The following CIT variants were observed in gnomAD, a reference collection of about 807,000 sequenced individuals.
The protein encoded by CIT is citron Rho-interacting kinase.
A neutral mutation model predicts 272.7 loss-of-function variants in CIT; 79 were observed. That is an observed-to-expected ratio of 0.29 (90% CI 0.24 to 0.35). The LOEUF (loss-of-function observed/expected upper bound fraction) is 0.35. Among genes scored for constraint, CIT ranks in the 10% least tolerant of loss-of-function variants. The probability of loss-of-function intolerance (pLI) is 1.00; values close to 1 mark genes in which losing one functional copy is unlikely to be tolerated. For missense variants in CIT, 1,909 were observed against 2,618.3 expected (o/e 0.73, Z 5.91); for synonymous variants, 948 against 995.6 (o/e 0.95, Z 0.90).
chr12:119,755,066 G>A (rs747962848), intron 22 of CIT, among the ~76,000 whole-genome samples: 4 of 152,176 alleles, frequency 2.6e-5, no homozygotes, highest in African/African-American at 4.8e-5. Context: ...TTAAACCATC[G>A]CCTAAGGCTT....
At chr12:119,823,454 A>T (rs567701173) in intron 8 of CIT, among the ~76,000 whole-genome samples, 2 of 152,310 alleles carry the variant, frequency 1.3e-5, no homozygotes, top group Non-Finnish European at 2.9e-5. Context: ...TCTTCTGCTC[A>T]TCCCTGTAAA....
At chr12:119,826,067 A>C (rs1968134731) in intron 7 of CIT, among the ~76,000 whole-genome samples, 1 of 152,170 alleles carries the variant, frequency 6.6e-6, no homozygotes, top group South Asian at 2.1e-4. Context: ...CTGTAAGAAA[A>C]GAAAAGAAAA....
intron 40 of CIT, 62 bp downstream of exon 40, chr12:119,708,117 G>A: frequency 7.0e-7 from 1 of 1,426,094 alleles, no homozygotes; most frequent in Non-Finnish European, 9.3e-7. Flanking sequence ...GAGCTCTGTG[G>A]GAAGAGAGGT....
At chr12:119,775,436 G>A (rs1328453820) in intron 16 of CIT, among the ~76,000 whole-genome samples, 4 of 152,226 alleles carry the variant, frequency 2.6e-5, no homozygotes, top group Non-Finnish European at 4.4e-5. Flanking sequence ...CTGGCAGAAA[G>A]CAGTTTGGGT....
Position 119,688,250 on chromosome 12 carries a change from C to T in CIT, c.6192G>A (p.Trp2064Ter). The T allele has an allele frequency of 6.2e-7, 1 of 1,607,756 alleles. No homozygotes were observed. Among genetic ancestry groups the T allele is most frequent in the Non-Finnish European group, 8.5e-7 (1 of 1,178,378 alleles). Residue 2064 changes from tryptophan (W) to a stop codon, truncating the protein, a stop_gained, in exon 48 of 48, where the codon TGG (tryptophan) becomes TGA (stop). Transcript: ENST00000392521. LOFTEE classifies it high-confidence loss of function. Reference sequence around the variant, plus strand: ...CTGAGATTTATACTGAAGACTGGTCCCAGACCTAGGAGTGAAATAAGGAGG... The same window carrying T: ...CTGAGATTTATACTGAAGACTGGTCTCAGACCTAGGAGTGAAATAAGGAGG... The part of the protein sequence containing the change: ...RTPLSQVNKV[W>*]DQSSV
chr12:119,835,252 C>G (rs1404959717), intron 5 of CIT, among the ~76,000 whole-genome samples: 1 of 152,224 alleles, frequency 6.6e-6, no homozygotes, highest in African/African-American at 2.4e-5. Flanking sequence ...GACTTCACCT[C>G]GCTGCCTTTC....
chr12:119,744,671 C>T (rs999820235), intron 23 of CIT, among the ~76,000 whole-genome samples: 3 of 146,212 alleles, frequency 2.1e-5, no homozygotes, highest in South Asian at 2.2e-4. Context: ...GCTGAGATCA[C>T]GCCACCACAC....
intron 10 of CIT, among the ~76,000 whole-genome samples, chr12:119,795,359 C>A (rs1444068245): frequency 6.6e-6 from 1 of 152,132 alleles, no homozygotes; most frequent in Non-Finnish European, 1.5e-5. Context: ...CGTACTCCAG[C>A]GTGGGCAACA....
chr12:119,816,177 G>C (rs956003886), intron 9 of CIT, among the ~76,000 whole-genome samples: 1 of 152,202 alleles, frequency 6.6e-6, no homozygotes, highest in African/African-American at 2.4e-5. Context: ...AAACATGTTA[G>C]TGAAGAATAC....
intron 23 of CIT, among the ~76,000 whole-genome samples, chr12:119,749,358 C>T (rs1214444321): frequency 6.6e-6 from 1 of 152,230 alleles, no homozygotes; most frequent in Non-Finnish European, 1.5e-5. Flanking sequence ...TGTGCAGGGT[C>T]TCCACTCAGG....
chr12:119,803,419 G>A, intron 9 of CIT, 30 bp from the exon 10 acceptor site: 1 of 1,494,534 alleles, frequency 6.7e-7, no homozygotes. Context: ...AAAGGAGGCG[G>A]GGAGGAAAAA....
At chr12:119,839,501 G>C (rs1566111356) in intron 5 of CIT, among the ~76,000 whole-genome samples, 1 of 152,066 alleles carries the variant, frequency 6.6e-6, no homozygotes, top group Non-Finnish European at 1.5e-5. Context: ...GGAGAGAAGG[G>C]GTCCTCAAAG....
chr12:119,811,523 A>T (rs563975908), intron 9 of CIT, among the ~76,000 whole-genome samples: 1 of 152,208 alleles, frequency 6.6e-6, no homozygotes, highest in Admixed American at 6.5e-5. Context: ...CCATCAATCA[A>T]TCTAAACAAT....
chr12:119,847,799 G>A (rs961766270), intron 5 of CIT, among the ~76,000 whole-genome samples: 1 of 152,178 alleles, frequency 6.6e-6, no homozygotes, highest in Non-Finnish European at 1.5e-5. Flanking sequence ...GCTGAGGCAA[G>A]AGAATCGCTT....
At chr12:119,860,401 C>T (rs1263886945) in intron 3 of CIT, among the ~76,000 whole-genome samples, 4 of 152,170 alleles carry the variant, frequency 2.6e-5, no homozygotes, top group East Asian at 1.9e-4. Context: ...AAAAGCTGCA[C>T]GGTATTTTCC....
Position 119,710,728 on chromosome 12 carries a change from G to A in CIT, c.4855-108C>T, listed in dbSNP as rs1357200064. 2 of 1,083,134 alleles carry A rather than the reference G, an allele frequency of 1.8e-6. No individual in the cohort carries two copies. The highest frequency in any genetic ancestry group is 2.4e-5 in the East Asian group (1 of 41,386). The allele number at this position is 1,083,134 out of a possible 1,614,324, so 67.1% of individuals were successfully genotyped here. ...AGAAGGTTAAGGCCAAGTTATTCCTGGAAATGCTCAGAAACGCACATATGC... is the reference window on the plus strand; with the variant it reads ...AGAAGGTTAAGGCCAAGTTATTCCTAGAAATGCTCAGAAACGCACATATGC... On this transcript the variant is annotated intron_variant, in intron 37 of 47. Transcript: ENST00000392521. This position sits in a 1 kb window ranked among gnomAD's most constrained non-coding sequence, Gnocchi z 5.6.
intron 5 of CIT, among the ~76,000 whole-genome samples, chr12:119,843,275 G>A (rs2138194674): frequency 6.6e-6 from 1 of 152,366 alleles, no homozygotes; most frequent in South Asian, 2.1e-4. Context: ...ACTTCATCCA[G>A]AGGACAGCAG....
In CIT at chr12:119,784,518, G is replaced by A. The variant is rs1197853406; in HGVS notation, c.1401+442C>T. The A allele has an allele frequency of 2.6e-5, 31 of 1,182,608 alleles. No homozygotes were observed. Among genetic ancestry groups the A allele is most frequent in the Non-Finnish European group, 3.3e-5 (31 of 942,804 alleles). 73.3% of individuals were successfully genotyped at this position (1,182,608 alleles called of 1,614,324 possible). A position where few individuals can be genotyped will look rare whatever the true frequency, so the allele number is the denominator to read the frequency against. The stretch of plus-strand genomic sequence containing the variant: ...GCAGTGACTTATTAGTTTCCAGAGC[G>A]TTGCCTCTGGGCAGGAACAGTGAAT... On this transcript the variant is annotated intron_variant, in intron 11 of 47. Transcript: ENST00000392521. The surrounding 1 kb of genome is among the most constrained non-coding windows in gnomAD (Gnocchi z 4.7).
At chr12:119,822,726 T>C in intron 9 of CIT, 94 bp downstream of exon 9, 1 of 1,344,132 alleles carries the variant, frequency 7.4e-7, no homozygotes, top group South Asian at 1.3e-5. Flanking sequence ...TTTATGTAAT[T>C]TACAGAAGCT....
Sources: gnomAD v4.1 joint callset for allele counts (sites outside exome capture counted in the v4.1 genomes callset) on GRCh38, gnomAD v4.1.1 for gene constraint, Gnocchi (gnomAD v3.1) non-coding constraint, MANE v1.5 for transcripts, NCBI Gene and HGNC (gene_info 2026-07-23, HGNC 2026-07-21) for gene names.